CUBN: variants seen among roughly 807,000 people sequenced by gnomAD.
CUBN encodes the protein 460 kDa receptor.
In CUBN, 282 loss-of-function variants were observed where a neutral mutation model predicts 405.3. The observed-to-expected ratio is 0.70, with a 90% CI of 0.63 to 0.77. The LOEUF is 0.77. Among genes scored for constraint, CUBN ranks in the 30% least tolerant of loss-of-function variants. The pLI, the probability that CUBN is intolerant of heterozygous loss-of-function variation, is 0.00. For missense variants in CUBN, 4,514 were observed against 4,475.2 expected (o/e 1.01, Z -0.25); for synonymous variants, 1,684 against 1,617.0 (o/e 1.04, Z -0.99).
intron 17 of CUBN, 55 bp from the exon 18 acceptor site, chr10:17,072,026 A>G: frequency 1.4e-6 from 2 of 1,420,414 alleles, no homozygotes; most frequent in East Asian, 4.8e-5. Flanking sequence ...TTACGTCGGC[A>G]ATGGTGGCGT....
intron 36 of CUBN, among the ~76,000 whole-genome samples, chr10:16,943,394 T>C (rs1436114082): frequency 6.6e-6 from 1 of 152,286 alleles, no homozygotes; most frequent in Non-Finnish European, 1.5e-5. Flanking sequence ...TTGTCTCCTT[T>C]GACAATCTGA....
intron 11 of CUBN, among the ~76,000 whole-genome samples, chr10:17,105,179 T>C (rs1428782195): frequency 2.0e-5 from 3 of 152,224 alleles, no homozygotes; most frequent in Admixed American, 2.0e-4. Flanking sequence ...TTGTTATTAA[T>C]AGGTTTAAAT....
Position 17,123,586 on chromosome 10 carries a change from A to G in CUBN, c.489+2T>C. On this transcript the variant is annotated splice_donor_variant, in intron 5 of 66. Transcript: ENST00000377833. LOFTEE classifies it high-confidence loss of function. ...TTCTTAACCAAAGAGTAGATGACTCACCTTCCACTGTGGGGGACAGATACA... is the reference window on the plus strand; with the variant it reads ...TTCTTAACCAAAGAGTAGATGACTCGCCTTCCACTGTGGGGGACAGATACA... The G allele has an allele frequency of 1.2e-6, 2 of 1,608,588 alleles. No homozygotes were observed. The highest frequency in any genetic ancestry group is 1.7e-5 in the Admixed American group (1 of 59,954).
In CUBN at chr10:16,982,647, C is replaced by T; in HGVS notation, c.4532G>A (p.Gly1511Asp). Residue 1511 changes from glycine (G) to aspartate (D), a missense_variant, in exon 31 of 67, where the codon GGT becomes GAT. Coordinates refer to ENST00000377833, the MANE Select transcript of CUBN (RefSeq NM_001081.4). ...ASWQAVTGGC[G>D]GIFQAPSGEI... ...TCCACTGGGAGCCTGGAAAATCCCA[C>T]CACAACCTGGAAGTGGGGAACACAA... is the stretch of plus-strand genomic sequence containing the variant. 2 of 1,612,570 alleles carry T rather than the reference C, an allele frequency of 1.2e-6. No homozygotes were observed. Among genetic ancestry groups the T allele is most frequent in the South Asian group, 2.2e-5 (2 of 91,026 alleles).
chr10:17,091,839 C>T (rs1836266077), intron 14 of CUBN, among the ~76,000 whole-genome samples: 1 of 152,166 alleles, frequency 6.6e-6, no homozygotes, highest in Non-Finnish European at 1.5e-5. Context: ...ATATAAACAG[C>T]AAAATCCAAG....
chr10:17,105,752 T>C (rs374685595), intron 10 of CUBN, among the ~76,000 whole-genome samples, 177 bp from the exon 11 acceptor site: 228 of 152,334 alleles, frequency 1.5e-3, no homozygotes, highest in African/African-American at 5.3e-3. Flanking sequence ...TTTTTGTATT[T>C]CTTATCTTAA....
chr10:17,028,694 C>T (rs921518631), intron 27 of CUBN, among the ~76,000 whole-genome samples: 9 of 149,776 alleles, frequency 6.0e-5, no homozygotes, highest in African/African-American at 2.2e-4. Flanking sequence ...GCACTCAAGC[C>T]TGGGCAACAG....
At chr10:17,036,130 A>G (rs1834892404) in intron 27 of CUBN, among the ~76,000 whole-genome samples, 1 of 152,160 alleles carries the variant, frequency 6.6e-6, no homozygotes, top group African/African-American at 2.4e-5. Context: ...GCTTGGCTAC[A>G]CTGCCCTAAT....
At position 16,850,985 on chromosome 10, in the gene CUBN, G is replaced by A. The variant is rs558479054; in HGVS notation, c.9663+250C>T. 1.3e-4 allele frequency among the ~76,000 whole-genome samples: 20 copies of A among 152,280 alleles called. No individual in the cohort carries two copies. The South Asian group carries it at 3.7e-3, about 28-fold the overall frequency. ...GTCTTTTGCAAGACATTGATGAATA[G>A]GAGATTTAAATGCTAATGTTGGAAG... On this transcript the variant is annotated intron_variant, in intron 60 of 66. Transcript: ENST00000377833.
chr10:16,829,510 G>A (rs564973776), intron 65 of CUBN, among the ~76,000 whole-genome samples: 13 of 152,252 alleles, frequency 8.5e-5, no homozygotes, highest in African/African-American at 1.2e-4. Flanking sequence ...GAGGGAGTGC[G>A]TTATTGTAGG....
At chr10:16,969,361 A>ATT (rs5783522) in intron 31 of CUBN, among the ~76,000 whole-genome samples, 1,708 of 148,394 alleles carry the variant, frequency 0.012, 16 homozygotes, top group South Asian at 0.03. Flanking sequence ...TTACTGCTCC[A>ATT]TTTTTTTTTT....
chr10:17,075,261 T>C lies in CUBN; in HGVS notation c.2302-3290A>G, dbSNP rs558522248. 2.6e-5 allele frequency among the ~76,000 whole-genome samples: 4 copies of C among 151,950 alleles called. No individual in the cohort carries two copies. The South Asian group carries it at 6.3e-4, about 24-fold the overall frequency. On this transcript the variant is annotated intron_variant, in intron 17 of 66. Coordinates refer to ENST00000377833, the MANE Select transcript of CUBN (RefSeq NM_001081.4). ...ACCACGCCCAGCTAATTTTTGTATT[T>C]TTAGTAGAGATGGGGTTTCACTATG...
At chr10:16,926,864 T>C (rs541407248) in intron 41 of CUBN, among the ~76,000 whole-genome samples, 16 of 151,738 alleles carry the variant, frequency 1.1e-4, no homozygotes, top group Non-Finnish European at 1.9e-4. Flanking sequence ...GGGATACAAG[T>C]GGTTTTTCGT....
intron 14 of CUBN, among the ~76,000 whole-genome samples, chr10:17,099,001 A>G (rs1836436338): frequency 6.6e-6 from 1 of 152,198 alleles, no homozygotes; most frequent in Non-Finnish European, 1.5e-5. Flanking sequence ...TATAGTTTCA[A>G]TGTAATTCCC....
In CUBN at chr10:16,972,677, C is replaced by T. The variant is rs192512275; in HGVS notation, c.4695+9807G>A. 1.3e-3 allele frequency among the ~76,000 whole-genome samples: 204 copies of T among 152,140 alleles called. 2 individuals carry two copies. The highest frequency in any genetic ancestry group is 4.0e-3 in the African/African-American group (164 of 41,512). ...CTGAGCTCAAACAATTCTCCTGTCT[C>T]GGCCTCCCAAAGTGCTGGAATTACA... On this transcript the variant is annotated intron_variant, in intron 31 of 66. Coordinates refer to ENST00000377833, the MANE Select transcript of CUBN (RefSeq NM_001081.4).
intron 31 of CUBN, among the ~76,000 whole-genome samples, chr10:16,963,724 A>G (rs991715013): frequency 5.3e-5 from 8 of 152,236 alleles, no homozygotes; most frequent in African/African-American, 1.9e-4. Flanking sequence ...AGTGACTAAA[A>G]GAATGCATTA....
At chr10:16,898,285 TGAA>T (rs1805937015) in intron 54 of CUBN, among the ~76,000 whole-genome samples, 1 of 152,032 alleles carries the variant, frequency 6.6e-6, no homozygotes, top group South Asian at 2.1e-4. Context: ...ACAGCCCCAC[TGAA>T]GAAGGAATCA....
chr10:16,892,816 A>G (rs1311611664), intron 54 of CUBN, among the ~76,000 whole-genome samples: 3 of 152,152 alleles, frequency 2.0e-5, no homozygotes, highest in Admixed American at 2.0e-4. Context: ...TTTTACAAAC[A>G]TTACTAAACA....
intron 34 of CUBN, among the ~76,000 whole-genome samples, chr10:16,949,600 G>A (rs1317415568): frequency 6.6e-6 from 1 of 151,428 alleles, no homozygotes; most frequent in Non-Finnish European, 1.5e-5. Context: ...ATCTAATTAA[G>A]TGCTTTTTTT....
Sources: allele counts gnomAD v4.1 joint callset (sites outside exome capture counted in the v4.1 genomes callset), GRCh38; gene constraint gnomAD v4.1.1; transcripts MANE v1.5; gene names NCBI Gene and HGNC (gene_info 2026-07-23, HGNC 2026-07-21).